Variants in OTULIN observed in about 807,000 individuals in gnomAD.
OTULIN encodes the protein ubiquitin thioesterase otulin.
A neutral mutation model predicts 39.6 loss-of-function variants in OTULIN; 15 were observed. The ratio of observed to expected loss-of-function variants is 0.38; its 90% CI spans 0.25 to 0.58. The LOEUF is 0.58. OTULIN is among the 20% of genes least tolerant of loss of function. The probability of loss-of-function intolerance (pLI) is 0.66; values close to 1 mark genes in which losing one functional copy is unlikely to be tolerated. For synonymous variants in OTULIN, 156 were observed against 170.3 expected, an observed-to-expected ratio of 0.92 and a Z score of 0.65; for missense variants, 319 against 445.9, an observed-to-expected ratio of 0.72 and a Z score of 2.56.
chr5:14,703,324 C>CAAA (rs59779015), downstream of OTULIN, among the ~76,000 whole-genome samples: 17 of 122,118 alleles, frequency 1.4e-4, 1 homozygote, highest in East Asian at 2.5e-4. Context: ...TTAATAGTGT[C>CAAA]AAAAAAAAAA....
chr5:14,710,325 C>G, the OTULIN span: 2 of 152,194 alleles, frequency 1.3e-5, no homozygotes, highest in African/African-American at 4.8e-5. Context: ...CGCTCTAATG[C>G]GACCTTCAGG....
At chr5:14,715,235 G>A in the OTULIN span, among the ~76,000 whole-genome samples, 4 of 152,314 alleles carry the variant, frequency 2.6e-5, no homozygotes, top group East Asian at 3.9e-4. Flanking sequence ...GGGTTCAAGC[G>A]ATTCTCCTGC....
At chr5:14,684,155 C>T (rs2126319013) in intron 4 of OTULIN, among the ~76,000 whole-genome samples, 1 of 152,326 alleles carries the variant, frequency 6.6e-6, no homozygotes, top group South Asian at 2.1e-4. Flanking sequence ...TTTTTGTCAT[C>T]TAATTGAATG....
intron 2 of OTULIN, among the ~76,000 whole-genome samples, chr5:14,675,204 T>A (rs991742657): frequency 1.3e-5 from 2 of 152,200 alleles, no homozygotes; most frequent in Admixed American, 6.5e-5. Flanking sequence ...CCAAAAAAAA[T>A]TGAAATCCGT....
Position 14,698,747 on chromosome 5 carries a change from T to C in OTULIN, c.*5699T>C, listed in dbSNP as rs548055465. ...ATGGCTGACTCTTGACCCCTGGCCA[T>C]TGTGAGCAGAGGAATCAAGGGTTTA... is the stretch of plus-strand genomic sequence containing the variant. On this transcript the variant is annotated 3_prime_UTR_variant, in exon 7 of 7. Coordinates refer to ENST00000284274, the MANE Select transcript of OTULIN (RefSeq NM_138348.6). The C allele has an allele frequency of 6.6e-6, 1 of 152,342 alleles. No homozygotes were observed. Among genetic ancestry groups the C allele is most frequent in the African/African-American group, 2.4e-5 (1 of 41,536 alleles). The allele number at this position is 152,342 out of a possible 1,614,324, so 9.4% of individuals were successfully genotyped here. A position where few individuals can be genotyped will look rare whatever the true frequency, so the allele number is the denominator to read the frequency against.
chr5:14,679,442 G>T (rs1226447757), intron 3 of OTULIN, among the ~76,000 whole-genome samples: 1 of 152,162 alleles, frequency 6.6e-6, no homozygotes, highest in Non-Finnish European at 1.5e-5. Context: ...CATGTGAATT[G>T]CTCAAAAACA....
chr5:14,667,550 CT>C (rs1234425187), intron 1 of OTULIN, among the ~76,000 whole-genome samples: 1 of 152,054 alleles, frequency 6.6e-6, no homozygotes, highest in Non-Finnish European at 1.5e-5. Context: ...TTTTTTTTTA[CT>C]TTTTGTAGAG....
intron 4 of OTULIN, among the ~76,000 whole-genome samples, 198 bp downstream of exon 4, chr5:14,681,805 A>G (rs1323178875): frequency 6.6e-6 from 1 of 152,232 alleles, no homozygotes; most frequent in African/African-American, 2.4e-5. Context: ...GAAGAGAAAA[A>G]TGATAAAATT....
At chr5:14,681,436 T>C in intron 3 of OTULIN, 28 bp from the exon 4 acceptor site, 1 of 1,580,568 alleles carries the variant, frequency 6.3e-7, no homozygotes, top group Non-Finnish European at 8.6e-7. Flanking sequence ...GTAACGACCA[T>C]TTTGAATTCT....
the OTULIN span, chr5:14,711,324 G>A: frequency 6.2e-7 from 1 of 1,609,886 alleles, no homozygotes; most frequent in Non-Finnish European, 8.5e-7. Flanking sequence ...GACCAAAGAA[G>A]ACTCATCAGT....
chr5:14,679,482 C>T (rs938150088), intron 3 of OTULIN, among the ~76,000 whole-genome samples: 14 of 152,192 alleles, frequency 9.2e-5, no homozygotes, highest in Non-Finnish European at 2.1e-4. Context: ...CTAAGACTTC[C>T]ATGACCTCTT....
At chr5:14,711,400 G>A in the OTULIN span, 2 of 1,131,684 alleles carry the variant, frequency 1.8e-6, no homozygotes, top group Non-Finnish European at 2.7e-6. Context: ...CGGGGTCTTG[G>A]GGGACCCCTC....
At chr5:14,714,021 C>CT in the OTULIN span, among the ~76,000 whole-genome samples, 6 of 152,266 alleles carry the variant, frequency 3.9e-5, no homozygotes, top group African/African-American at 1.4e-4. Flanking sequence ...GAAGAGAACA[C>CT]TCAGAGAAAA....
Position 14,678,674 on chromosome 5 carries a change from T to G in OTULIN, c.230-7T>G, listed in dbSNP as rs1736167480. Reference sequence around the variant, plus strand: ...TTTGCTTTTTTTTTTTTTAAATTCTTTAACAGAACCGAGATTAAGCGTAGC... The same window carrying G: ...TTTGCTTTTTTTTTTTTTAAATTCTGTAACAGAACCGAGATTAAGCGTAGC... On this transcript the variant is annotated splice_region_variant and splice_polypyrimidine_tract_variant and intron_variant, in intron 2 of 6. Coordinates refer to ENST00000284274, the MANE Select transcript of OTULIN (RefSeq NM_138348.6). The G allele has an allele frequency of 6.4e-7, 1 of 1,561,062 alleles. No homozygotes were observed. Among genetic ancestry groups the G allele is most frequent in the African/African-American group, 1.4e-5 (1 of 71,698 alleles).
chr5:14,678,744 G>A lies in OTULIN; in HGVS notation c.293G>A (p.Gly98Glu). The A allele has an allele frequency of 6.2e-7, 1 of 1,609,552 alleles. No homozygotes were observed. The highest frequency in any genetic ancestry group is 8.5e-7 in the Non-Finnish European group (1 of 1,178,314). The part of the protein sequence containing the change: ...IMDYCKKEWR[G>E]NTQKATCMKM... Reference sequence around the variant, plus strand: ...GACTACTGCAAAAAAGAATGGAGAGGAAATACACAGAAAGCAACGTGTATG... The same window carrying A: ...GACTACTGCAAAAAAGAATGGAGAGAAAATACACAGAAAGCAACGTGTATG... The change falls in exon 3 of 7, where the codon GGA (glycine) becomes GAA (glutamate). Residue 98 changes from glycine to glutamate, a missense_variant. Gly to Glu is a moderately conservative substitution (Grantham distance 98). Coordinates refer to ENST00000284274, the MANE Select transcript of OTULIN (RefSeq NM_138348.6).
chr5:14,679,248 T>C (rs1313691957), intron 3 of OTULIN, among the ~76,000 whole-genome samples: 1 of 152,096 alleles, frequency 6.6e-6, no homozygotes, highest in African/African-American at 2.4e-5. Context: ...TTCAAGATAG[T>C]CTCCAAGGCT....
intron 4 of OTULIN, among the ~76,000 whole-genome samples, chr5:14,686,505 C>G (rs1457906004): frequency 6.6e-6 from 1 of 152,016 alleles, no homozygotes; most frequent in Non-Finnish European, 1.5e-5. Context: ...TGGGGTCTTG[C>G]TATGTTGCCT....
In OTULIN at chr5:14,695,263, A is replaced by C. The variant is rs1057253434; in HGVS notation, c.*2215A>C. On this transcript the variant is annotated 3_prime_UTR_variant, in exon 7 of 7. Coordinates refer to ENST00000284274, the MANE Select transcript of OTULIN (RefSeq NM_138348.6). ...AATAGAAATGATTGACCAACTTTAA[A>C]AATAATTTTTTTTTAATTGCAATAT... 6.6e-6 allele frequency: 1 copy of C among 152,208 alleles called. No individual in the cohort carries two copies. Among genetic ancestry groups the C allele is most frequent in the Admixed American group, 6.5e-5 (1 of 15,278 alleles). 9.4% of individuals were successfully genotyped at this position (152,208 alleles called of 1,614,324 possible).
intron 2 of OTULIN, among the ~76,000 whole-genome samples, chr5:14,675,098 G>A (rs1736071730): frequency 6.6e-6 from 1 of 152,102 alleles, no homozygotes; most frequent in Non-Finnish European, 1.5e-5. Context: ...GCTCTAATAG[G>A]GGCTCTTTTC....
Sources: gnomAD v4.1 joint callset for allele counts (sites outside exome capture counted in the v4.1 genomes callset) on GRCh38, gnomAD v4.1.1 for gene constraint, MANE v1.5 for transcripts, NCBI Gene and HGNC (gene_info 2026-07-23, HGNC 2026-07-21) for gene names.